COL5A1: variants seen among roughly 807,000 people sequenced by gnomAD.
The protein encoded by COL5A1 is collagen type V alpha 1 chain.
A neutral mutation model predicts 263.7 loss-of-function variants in COL5A1; 16 were observed. The observed-to-expected ratio is 0.06, with a 90% CI of 0.04 to 0.09. The LOEUF (loss-of-function observed/expected upper bound fraction) is 0.09, where lower values mean the gene tolerates loss of function less well. Ranked by LOEUF, COL5A1 falls within the 10% of genes least tolerant of loss-of-function variation. The probability of loss-of-function intolerance (pLI) is 1.00; values close to 1 mark genes in which losing one functional copy is unlikely to be tolerated. For synonymous variants in COL5A1, 1,012 were observed against 1,004.5 expected (o/e 1.01, Z -0.14); for missense variants, 2,036 against 2,540.5 (o/e 0.80, Z 4.27).
chr9:134,646,602 C>T (rs1296929826), intron 1 of COL5A1, among the ~76,000 whole-genome samples: 2 of 152,166 alleles, frequency 1.3e-5, no homozygotes, highest in Admixed American at 1.3e-4. Context: ...AGTGGCAGAT[C>T]CTGGCAGCTT....
rs921707246 is a variant in COL5A1, at chr9:134,696,386, A to G, written c.278-3523A>G. On this transcript the variant is annotated intron_variant, in intron 2 of 65. Coordinates refer to ENST00000371817, the MANE Select transcript of COL5A1 (RefSeq NM_000093.5). The surrounding 1 kb of genome is among the most constrained non-coding windows in gnomAD (Gnocchi z 4.3). Reference sequence around the variant, plus strand: ...GAGACAGGGATTCACCATGTTGGCCAGGCTGGTGTGGAACTCCTGACCTCA... The same window carrying G: ...GAGACAGGGATTCACCATGTTGGCCGGGCTGGTGTGGAACTCCTGACCTCA... Among the ~76,000 whole-genome samples the G allele has an allele frequency of 3.9e-5, 6 of 152,130 alleles. No homozygotes were observed. The highest frequency in any genetic ancestry group is 1.3e-4 in the Admixed American group (2 of 15,272).
At chr9:134,736,092 C>T (rs898499374) in intron 9 of COL5A1, among the ~76,000 whole-genome samples, 1 of 152,232 alleles carries the variant, frequency 6.6e-6, no homozygotes, top group Admixed American at 6.5e-5. Flanking sequence ...TCTGCAGCCC[C>T]CTGGCCGGGA....
chr9:134,787,939 C>T lies in COL5A1; in HGVS notation c.2647-1216C>T, dbSNP rs559258144. 7.2e-5 allele frequency among the ~76,000 whole-genome samples: 11 copies of T among 152,212 alleles called. 1 individual carries two copies. Among genetic ancestry groups the T allele is most frequent in the African/African-American group, 2.6e-4 (11 of 41,526 alleles). On this transcript the variant is annotated intron_variant, in intron 31 of 65. Transcript: ENST00000371817. ...TTCTAGAGCTGAAGCCTGTGAAATG[C>T]TTAGGAAATATTTATTGAGTAGAGA...
chr9:134,760,801 C>A (rs977797214), intron 18 of COL5A1, among the ~76,000 whole-genome samples: 1 of 148,278 alleles, frequency 6.7e-6, no homozygotes, highest in Non-Finnish European at 1.5e-5. Context: ...CACGCATACA[C>A]CCTGACACAC....
chr9:134,669,220 CCCTTCCCTTCCCTTTCCTTCCCTT>C (rs1832455279), intron 1 of COL5A1, among the ~76,000 whole-genome samples: 1 of 85,872 alleles, frequency 1.2e-5, no homozygotes, highest in Non-Finnish European at 2.2e-5. Flanking sequence ...CTTTTCCCTT[CCCTTCCCTTCCCTTTCCTTCCCTT>C]CCCTTCCCTT....
At position 134,765,610 on chromosome 9, in the gene COL5A1, G is replaced by A. The variant is rs956043898; in HGVS notation, c.2035-71G>A. On this transcript the variant is annotated intron_variant, in intron 20 of 65. Coordinates refer to ENST00000371817, the MANE Select transcript of COL5A1 (RefSeq NM_000093.5). The surrounding 1 kb of genome is among the most constrained non-coding windows in gnomAD (Gnocchi z 5.1). ...TCTGGGTGGAGTCAGGGCCAAGTGG[G>A]CATAGGGGACAGAGAGGAGGGCTGG... is the stretch of plus-strand genomic sequence containing the variant. 23 of 1,394,144 alleles carry A rather than the reference G, an allele frequency of 1.6e-5. No homozygotes were observed. The African/African-American group carries it at 2.8e-4, about 17-fold the overall frequency. 86.4% of individuals were successfully genotyped at this position (1,394,144 alleles called of 1,614,324 possible).
chr9:134,704,576 C>A (rs1261932431), intron 4 of COL5A1, among the ~76,000 whole-genome samples: 2 of 152,088 alleles, frequency 1.3e-5, no homozygotes, highest in Non-Finnish European at 2.9e-5. Context: ...TCCTGGTGAG[C>A]CATTTTTTCC....
rs547040211 is a variant in COL5A1, at chr9:134,783,536, C to T, written c.2484+816C>T. On this transcript the variant is annotated intron_variant, in intron 29 of 65. Transcript: ENST00000371817. Reference sequence around the variant, plus strand: ...AGCCCAGCAGAAGGAACCGAAGACGCCTCGGCCTCCGGTGGGCACAGCCGT... The same window carrying T: ...AGCCCAGCAGAAGGAACCGAAGACGTCTCGGCCTCCGGTGGGCACAGCCGT... Among the ~76,000 whole-genome samples the T allele has an allele frequency of 4.1e-4, 63 of 152,324 alleles. 1 individual carries two copies. The South Asian group carries it at 4.6e-3, about 11-fold the overall frequency.
At chr9:134,832,427 C>T (rs539894374) in intron 64 of COL5A1, among the ~76,000 whole-genome samples, 13 of 152,216 alleles carry the variant, frequency 8.5e-5, no homozygotes, top group Admixed American at 7.2e-4. Context: ...AAAGAAAAAA[C>T]CAGAAATGGG....
chr9:134,822,080 T>A lies in COL5A1; in HGVS notation c.4555-17T>A, dbSNP rs921149917. The A allele has an allele frequency of 1.2e-6, 2 of 1,613,390 alleles. No homozygotes were observed. Among genetic ancestry groups the A allele is most frequent in the Admixed American group, 3.3e-5 (2 of 60,028 alleles). On this transcript the variant is annotated splice_polypyrimidine_tract_variant and intron_variant, in intron 58 of 65. Transcript: ENST00000371817. ...CTCGTCTGAAGGTGATAACCTGCAT[T>A]TTCTGGTCCTTTTCAGGGTATCACT...
At chr9:134,816,274 C>T (rs992226596) in intron 52 of COL5A1, among the ~76,000 whole-genome samples, 2 of 152,224 alleles carry the variant, frequency 1.3e-5, no homozygotes, top group African/African-American at 2.4e-5. Context: ...TGGGCTCGCC[C>T]GGGAACGTCA....
At chr9:134,726,996 A>G (rs1031746794) in intron 4 of COL5A1, among the ~76,000 whole-genome samples, 8 of 147,932 alleles carry the variant, frequency 5.4e-5, no homozygotes, top group Non-Finnish European at 9.0e-5. Flanking sequence ...TGGATGAACG[A>G]ATGAGTGGAT....
chr9:134,654,470 G>A (rs1489728021), intron 1 of COL5A1, among the ~76,000 whole-genome samples: 1 of 130,542 alleles, frequency 7.7e-6, no homozygotes, highest in Non-Finnish European at 1.6e-5. Context: ...AGGGCTGGAG[G>A]TGTGTAGGGC....
At chr9:134,720,260 C>T (rs1222304588) in intron 4 of COL5A1, among the ~76,000 whole-genome samples, 2 of 152,136 alleles carry the variant, frequency 1.3e-5, no homozygotes, top group Non-Finnish European at 2.9e-5. Flanking sequence ...AGCTTCCTGT[C>T]CCCATCCCCT....
intron 11 of COL5A1, among the ~76,000 whole-genome samples, chr9:134,739,776 G>C (rs985892040): frequency 6.6e-6 from 1 of 152,122 alleles, no homozygotes. Context: ...CTGGAAAGCT[G>C]GGGAGGGGCA....
chr9:134,686,123 C>G lies in COL5A1; in HGVS notation c.110-4789C>G, dbSNP rs1279865075. 6.6e-6 allele frequency among the ~76,000 whole-genome samples: 1 copy of G among 152,240 alleles called. No homozygotes were observed. The highest frequency in any genetic ancestry group is 1.5e-5 in the Non-Finnish European group (1 of 68,050). On this transcript the variant is annotated intron_variant, in intron 1 of 65. Coordinates refer to ENST00000371817, the MANE Select transcript of COL5A1 (RefSeq NM_000093.5). This position sits in a 1 kb window ranked among gnomAD's most constrained non-coding sequence, Gnocchi z 4.6. ...TCCTCCTATGTGCCAGTGCTGCAGT[C>G]TTGCTTGTATTTCTTATCAGGGTCT... is the stretch of plus-strand genomic sequence containing the variant.
intron 1 of COL5A1, among the ~76,000 whole-genome samples, chr9:134,651,453 G>A (rs1350721748): frequency 5.3e-5 from 8 of 152,190 alleles, no homozygotes; most frequent in Non-Finnish European, 1.2e-4. Context: ...GCTGCAGTGA[G>A]CTGTGTTTGT....
At chr9:134,828,149 G>A (rs188162960) in intron 63 of COL5A1, among the ~76,000 whole-genome samples, 1 of 152,248 alleles carries the variant, frequency 6.6e-6, no homozygotes, top group Non-Finnish European at 1.5e-5. Flanking sequence ...CAGGCAGCCG[G>A]GGCTCCCCTT....
In COL5A1 at chr9:134,761,984, T is replaced by C; in HGVS notation, c.1989+6T>C. On this transcript the variant is annotated splice_donor_region_variant and intron_variant, in intron 19 of 65. Coordinates refer to ENST00000371817, the MANE Select transcript of COL5A1 (RefSeq NM_000093.5). ...CGGGAGACGATGGAGAAAGGGTAGGTATTCTGCCGTCCCTCCGACTGCTCC... is the reference window on the plus strand; with the variant it reads ...CGGGAGACGATGGAGAAAGGGTAGGCATTCTGCCGTCCCTCCGACTGCTCC... 6.2e-7 allele frequency: 1 copy of C among 1,613,252 alleles called. No homozygotes were observed. The highest frequency in any genetic ancestry group is 8.5e-7 in the Non-Finnish European group (1 of 1,179,876).
Sources: gnomAD v4.1 joint callset for allele counts (sites outside exome capture counted in the v4.1 genomes callset) on GRCh38, gnomAD v4.1.1 for gene constraint, Gnocchi (gnomAD v3.1) non-coding constraint, MANE v1.5 for transcripts, NCBI Gene and HGNC (gene_info 2026-07-23, HGNC 2026-07-21) for gene names.